The following KCTD8 variants were observed in gnomAD, a reference collection of about 807,000 sequenced individuals.
KCTD8 encodes the protein BTB/POZ domain-containing protein KCTD8.
A neutral mutation model predicts 31.5 loss-of-function variants in KCTD8; 27 were observed. That is an observed-to-expected ratio of 0.86 (90% confidence interval 0.63 to 1.18). The LOEUF (loss-of-function observed/expected upper bound fraction) is 1.18. Among genes scored for constraint, KCTD8 ranks in the 50% most tolerant of loss-of-function variants. The pLI is 0.00. For missense variants in KCTD8, 658 were observed against 647.7 expected (o/e 1.02, Z -0.17); for synonymous variants, 290 against 280.0 (o/e 1.04, Z -0.36).
At chr4:44,206,560 G>T (rs1292082128) in intron 1 of KCTD8, among the ~76,000 whole-genome samples, 1 of 152,182 alleles carries the variant, frequency 6.6e-6, no homozygotes, top group Non-Finnish European at 1.5e-5. Context: ...CCCAAGGGCT[G>T]CGTAAAGTGG....
intron 1 of KCTD8, among the ~76,000 whole-genome samples, chr4:44,377,323 T>C (rs920939318): frequency 6.6e-5 from 10 of 152,162 alleles, no homozygotes; most frequent in Non-Finnish European, 1.2e-4. Context: ...CTAAGCTCCA[T>C]TCTCATTTCC....
intron 1 of KCTD8, among the ~76,000 whole-genome samples, chr4:44,261,222 G>A (rs1716151191): frequency 6.6e-6 from 1 of 151,964 alleles, no homozygotes; most frequent in Non-Finnish European, 1.5e-5. Flanking sequence ...GGAGGAGGAA[G>A]AGATTTGGGA....
intron 1 of KCTD8, among the ~76,000 whole-genome samples, chr4:44,311,917 A>T (rs1232553087): frequency 6.6e-6 from 1 of 151,040 alleles, no homozygotes; most frequent in Non-Finnish European, 1.5e-5. Flanking sequence ...ACTGAAACTA[A>T]TGAAGACCTG....
At chr4:44,185,003 G>T (rs911463338) in intron 1 of KCTD8, among the ~76,000 whole-genome samples, 5 of 152,136 alleles carry the variant, frequency 3.3e-5, no homozygotes, top group Admixed American at 2.0e-4. Context: ...TGCAGCATAA[G>T]AAAAGAAATA....
intron 1 of KCTD8, among the ~76,000 whole-genome samples, chr4:44,440,044 GCCT>G (rs1309441460): frequency 2.0e-5 from 3 of 151,762 alleles, no homozygotes; most frequent in Non-Finnish European, 1.5e-5. Context: ...CAATTCTCCT[GCCT>G]CAGCCTCCCA....
At chr4:44,181,406 T>C (rs1015881058) in intron 1 of KCTD8, among the ~76,000 whole-genome samples, 34 of 152,268 alleles carry the variant, frequency 2.2e-4, no homozygotes, top group African/African-American at 7.9e-4. Flanking sequence ...CCACCACGCC[T>C]GACTGGTTTT....
chr4:44,291,973 A>AAAAAAAAAAAC (rs1717291046), intron 1 of KCTD8, among the ~76,000 whole-genome samples: 1 of 151,216 alleles, frequency 6.6e-6, no homozygotes, highest in African/African-American at 2.4e-5. Flanking sequence ...AAAAAAAAAA[A>AAAAAAAAAAAC]AAAAAAAAAA....
intron 1 of KCTD8, among the ~76,000 whole-genome samples, chr4:44,428,894 A>C (rs749420478): frequency 2.0e-5 from 3 of 151,784 alleles, no homozygotes; most frequent in Non-Finnish European, 4.4e-5. Context: ...CACCACTTAC[A>C]TATTAACATG....
intron 1 of KCTD8, among the ~76,000 whole-genome samples, chr4:44,297,425 T>C (rs1466938871): frequency 6.6e-6 from 1 of 152,100 alleles, no homozygotes; most frequent in Non-Finnish European, 1.5e-5. Flanking sequence ...GATATCTACA[T>C]TTAACATAGT....
Position 44,448,301 on chromosome 4 carries a change from A to T in KCTD8, c.223T>A (p.Ser75Thr). ...VPDSTLASMF[S>T]PSSPRGGARR... ...GCGCCGCCACGGGGACTAGAGGGCG[A>T]GAACATGCTGGCCAAAGTACTGTCC... Residue 75 changes from serine to threonine, a missense_variant, in exon 1 of 2, where the codon TCG becomes ACG. Coordinates refer to ENST00000360029, the MANE Select transcript of KCTD8 (RefSeq NM_198353.3). This position sits in a 1 kb window ranked among gnomAD's most constrained non-coding sequence, Gnocchi z 4.1. The T allele has an allele frequency of 1.2e-6, 2 of 1,607,034 alleles. No individual in the cohort carries two copies. Among genetic ancestry groups the T allele is most frequent in the Non-Finnish European group, 1.7e-6 (2 of 1,177,688 alleles).
chr4:44,219,485 A>AAG lies in KCTD8; in HGVS notation c.962-44236_962-44235insCT, dbSNP rs145735792. Reference sequence around the variant, plus strand: ...AGATGGGGGAAGTTTGGGGCCCACAAACATAGACACAGAGGGAAGAATGCC... The same window carrying AAG: ...AGATGGGGGAAGTTTGGGGCCCACAAAGACATAGACACAGAGGGAAGAATGCC... On this transcript the variant is annotated intron_variant, in intron 1 of 1. Transcript: ENST00000360029. Among the ~76,000 whole-genome samples the AAG allele has an allele frequency of 9.0e-3, 1,371 of 152,332 alleles. 19 individuals are homozygous for AAG. The highest frequency in any genetic ancestry group is 0.031 in the African/African-American group (1,284 of 41,568).
chr4:44,227,912 T>C (rs1715010959), intron 1 of KCTD8, among the ~76,000 whole-genome samples: 1 of 152,336 alleles, frequency 6.6e-6, no homozygotes, highest in East Asian at 1.9e-4. Flanking sequence ...CATACTCCTG[T>C]CATTCTTGTC....
At position 44,209,567 on chromosome 4, in the gene KCTD8, CTGAT is replaced by C. The variant is rs200328373; in HGVS notation, c.962-34321_962-34318del. Among the ~76,000 whole-genome samples the C allele has an allele frequency of 7.3e-3, 1,105 of 151,568 alleles. 17 individuals are homozygous for C. Among genetic ancestry groups the C allele is most frequent in the African/African-American group, 0.025 (1,017 of 41,356 alleles). Reference sequence around the variant, plus strand: ...CCCCCACCCACATACACACAGATGACTGATTGATTGATTGATTGACTGATGTAAT... The same window carrying C: ...CCCCCACCCACATACACACAGATGACTGATTGATTGATTGACTGATGTAAT... On this transcript the variant is annotated intron_variant, in intron 1 of 1. Transcript: ENST00000360029.
At chr4:44,433,585 C>T (rs1721565069) in intron 1 of KCTD8, among the ~76,000 whole-genome samples, 1 of 151,722 alleles carries the variant, frequency 6.6e-6, no homozygotes, top group Non-Finnish European at 1.5e-5. Context: ...CCCATAGATT[C>T]TGTACTTATT....
intron 1 of KCTD8, among the ~76,000 whole-genome samples, chr4:44,227,570 T>C (rs772802781): frequency 2.6e-5 from 4 of 152,226 alleles, no homozygotes; most frequent in Non-Finnish European, 5.9e-5. Context: ...TTGCATTTGG[T>C]GAAACCCACC....
intron 1 of KCTD8, among the ~76,000 whole-genome samples, chr4:44,357,278 T>A (rs189066688): frequency 1.3e-5 from 2 of 152,322 alleles, no homozygotes; most frequent in Non-Finnish European, 2.9e-5. Context: ...ACAAAAGATT[T>A]AGCCTTTGTC....
chr4:44,317,956 T>A (rs532385009), intron 1 of KCTD8, among the ~76,000 whole-genome samples: 1 of 152,308 alleles, frequency 6.6e-6, no homozygotes, highest in East Asian at 1.9e-4. Context: ...ATGGAATGCA[T>A]CTCTTTCAGA....
chr4:44,321,677 A>G (rs999419597), intron 1 of KCTD8, among the ~76,000 whole-genome samples: 4 of 152,136 alleles, frequency 2.6e-5, no homozygotes, highest in Admixed American at 2.0e-4. Context: ...CCCCTACTGT[A>G]CTATTGAATA....
chr4:44,224,904 CACT>C (rs3063529), intron 1 of KCTD8, among the ~76,000 whole-genome samples: 150,771 of 152,208 alleles, frequency 0.99, 74,681 homozygotes, highest in East Asian at 1. Context: ...AAGGAGACAT[CACT>C]ACTTCTTAAC....
Sources: allele counts gnomAD v4.1 joint callset (sites outside exome capture counted in the v4.1 genomes callset), GRCh38; gene constraint gnomAD v4.1.1; non-coding constraint Gnocchi (gnomAD v3.1); transcripts MANE v1.5; gene names NCBI Gene and HGNC (gene_info 2026-07-23, HGNC 2026-07-21).